Variants in TMEM178B observed in about 807,000 individuals in gnomAD.
TMEM178B encodes transmembrane protein 178B.
A neutral mutation model predicts 31.0 loss-of-function variants in TMEM178B; 5 were observed. The ratio of observed to expected loss-of-function variants is 0.16; its 90% CI spans 0.08 to 0.34. TMEM178B has a LOEUF of 0.34. Among genes scored for constraint, TMEM178B ranks in the 10% least tolerant of loss-of-function variants. TMEM178B has a pLI of 1.00. For missense variants in TMEM178B, 275 were observed against 400.3 expected (o/e 0.69, Z 2.67); for synonymous variants, 164 against 164.0 (o/e 1.00, Z 0.00).
intron 2 of TMEM178B, among the ~76,000 whole-genome samples, chr7:141,391,227 G>A (rs1800532426): frequency 6.6e-6 from 1 of 152,022 alleles, no homozygotes; most frequent in Non-Finnish European, 1.5e-5. Flanking sequence ...GTGCAATGGT[G>A]CGATCTCGGC....
At chr7:141,485,890 A>G in the TMEM178B span, among the ~76,000 whole-genome samples, 1 of 152,202 alleles carries the variant, frequency 6.6e-6, no homozygotes, top group Non-Finnish European at 1.5e-5. Context: ...TACATTCACA[A>G]TGTACTTCAA....
intron 2 of TMEM178B, among the ~76,000 whole-genome samples, chr7:141,310,875 A>G (rs1798897140): frequency 1.3e-5 from 2 of 152,240 alleles, no homozygotes; most frequent in African/African-American, 4.8e-5. Flanking sequence ...CACTATTCAC[A>G]ATAGCAAAGA....
chr7:141,085,695 G>A (rs997414052), intron 1 of TMEM178B, among the ~76,000 whole-genome samples: 8 of 151,770 alleles, frequency 5.3e-5, no homozygotes, highest in Admixed American at 2.0e-4. Context: ...AGGCAATGCA[G>A]CTCCATTTCC....
Position 141,171,017 on chromosome 7 carries a change from T to TAC in TMEM178B, c.383-41527_383-41526dup, listed in dbSNP as rs57427295. On this transcript the variant is annotated intron_variant, in intron 1 of 3. Coordinates refer to ENST00000565468, the MANE Select transcript of TMEM178B (RefSeq NM_001195278.2). The surrounding 1 kb of genome is among the most constrained non-coding windows in gnomAD (Gnocchi z 4.3). ...GTTCAGACTACACATCACACACACA[T>TAC]ACACACACACACACACACACACACA... 4.1e-5 allele frequency among the ~76,000 whole-genome samples: 6 copies of TAC among 146,158 alleles called. No homozygotes were observed. Among genetic ancestry groups the TAC allele is most frequent in the South Asian group, 2.3e-4 (1 of 4,352 alleles).
chr7:141,311,113 A>G (rs1210958042), intron 2 of TMEM178B, among the ~76,000 whole-genome samples: 1 of 152,214 alleles, frequency 6.6e-6, no homozygotes. Flanking sequence ...ACACATGGAC[A>G]CAGGGAAGGG....
intron 2 of TMEM178B, among the ~76,000 whole-genome samples, chr7:141,287,947 C>G (rs995331867): frequency 6.6e-6 from 1 of 152,220 alleles, no homozygotes; most frequent in African/African-American, 2.4e-5. Context: ...ATTATCTTCT[C>G]TGAGCAGTGG....
intron 2 of TMEM178B, among the ~76,000 whole-genome samples, chr7:141,271,738 C>G (rs73167500): frequency 9.9e-5 from 15 of 152,272 alleles, no homozygotes; most frequent in Admixed American, 7.8e-4. Flanking sequence ...ACATTGACTG[C>G]GGGCTTTCCC....
At chr7:141,453,983 C>G (rs1801914582) in intron 3 of TMEM178B, among the ~76,000 whole-genome samples, 1 of 151,366 alleles carries the variant, frequency 6.6e-6, no homozygotes, top group Non-Finnish European at 1.5e-5. Context: ...TGATATTTGA[C>G]CCTCCAATTT....
At chr7:141,089,959 G>A (rs1200977032) in intron 1 of TMEM178B, among the ~76,000 whole-genome samples, 2 of 151,872 alleles carry the variant, frequency 1.3e-5, no homozygotes, top group Non-Finnish European at 2.9e-5. Context: ...GTATACATAT[G>A]TAACATACCT....
At chr7:141,347,740 C>T (rs1799644802) in intron 2 of TMEM178B, among the ~76,000 whole-genome samples, 1 of 152,048 alleles carries the variant, frequency 6.6e-6, no homozygotes, top group Admixed American at 6.5e-5. Flanking sequence ...TCTCTGTCTC[C>T]TCATCTGTCT....
At chr7:141,314,948 G>T (rs538140244) in intron 2 of TMEM178B, among the ~76,000 whole-genome samples, 71 of 152,274 alleles carry the variant, frequency 4.7e-4, no homozygotes, top group African/African-American at 1.6e-3. Context: ...CATATCACAG[G>T]TATTATTGTT....
chr7:141,437,526 G>C, intron 2 of TMEM178B, 82 bp from the exon 3 acceptor site: 1 of 1,502,114 alleles, frequency 6.7e-7, no homozygotes, highest in Non-Finnish European at 8.9e-7. Context: ...CTCCCTCTCT[G>C]CACCCACCCC....
chr7:141,406,338 T>C (rs1240537267), intron 2 of TMEM178B, among the ~76,000 whole-genome samples: 1 of 152,172 alleles, frequency 6.6e-6, no homozygotes, highest in East Asian at 1.9e-4. Context: ...CATTGATGAC[T>C]TTGTTCCCTG....
At chr7:141,362,049 A>G (rs1452838432) in intron 2 of TMEM178B, among the ~76,000 whole-genome samples, 2 of 152,256 alleles carry the variant, frequency 1.3e-5, no homozygotes, top group African/African-American at 4.8e-5. Flanking sequence ...GGCAATGGCT[A>G]AATTAATTCA....
intron 2 of TMEM178B, among the ~76,000 whole-genome samples, chr7:141,391,668 C>T (rs1286895378): frequency 6.6e-6 from 1 of 152,168 alleles, no homozygotes; most frequent in East Asian, 1.9e-4. Context: ...ACTCTGTCCT[C>T]CATAGACATG....
chr7:141,421,543 G>C (rs1209432656), intron 2 of TMEM178B, among the ~76,000 whole-genome samples: 3 of 152,190 alleles, frequency 2.0e-5, no homozygotes, highest in Non-Finnish European at 4.4e-5. Context: ...GTTGGAGTCA[G>C]ACCAAGATTC....
At chr7:141,199,762 A>C (rs146777742) in intron 1 of TMEM178B, among the ~76,000 whole-genome samples, 207 of 152,134 alleles carry the variant, frequency 1.4e-3, no homozygotes, top group Middle Eastern at 6.8e-3. Flanking sequence ...AATAAAAAAA[A>C]TTTTTTTGGC....
intron 1 of TMEM178B, among the ~76,000 whole-genome samples, chr7:141,150,266 A>G (rs1352621393): frequency 6.6e-6 from 1 of 152,180 alleles, no homozygotes; most frequent in East Asian, 1.9e-4. Context: ...GCCTTGAAAC[A>G]TCCTAGTTTG....
chr7:141,498,600 CT>C, the TMEM178B span, among the ~76,000 whole-genome samples: 1 of 152,222 alleles, frequency 6.6e-6, no homozygotes, highest in African/African-American at 2.4e-5. Flanking sequence ...AGATAAGCAG[CT>C]TCTCACCAGG....
Sources: allele counts gnomAD v4.1 joint callset (sites outside exome capture counted in the v4.1 genomes callset), GRCh38; gene constraint gnomAD v4.1.1; non-coding constraint Gnocchi (gnomAD v3.1); transcripts MANE v1.5; gene names NCBI Gene and HGNC (gene_info 2026-07-23, HGNC 2026-07-21).